The following PDE4B variants were observed in gnomAD, a reference collection of about 807,000 sequenced individuals.
The protein encoded by PDE4B is phosphodiesterase 4B, also known as 3',5'-cyclic-AMP phosphodiesterase 4B.
A neutral mutation model predicts 82.2 loss-of-function variants in PDE4B; 20 were observed. The observed-to-expected ratio is 0.24, with a 90% CI of 0.17 to 0.35. PDE4B has a LOEUF of 0.35. Among genes scored for constraint, PDE4B ranks in the 10% least tolerant of loss-of-function variants. PDE4B has a pLI of 1.00. For missense variants in PDE4B, 655 were observed against 907.2 expected (o/e 0.72, Z 3.57); for synonymous variants, 320 against 318.9 (o/e 1.00, Z -0.04).
At chr1:65,832,049 C>T (rs7514810) in intron 1 of PDE4B, among the ~76,000 whole-genome samples, 137,456 of 152,176 alleles carry the variant, frequency 0.9, 62,386 homozygotes, top group Non-Finnish European at 0.94. Context: ...AATGACAAGA[C>T]GTATGCATGC....
chr1:66,265,374 A>G (rs980552288), intron 6 of PDE4B, among the ~76,000 whole-genome samples: 1 of 152,212 alleles, frequency 6.6e-6, no homozygotes, highest in Non-Finnish European at 1.5e-5. Context: ...GGGGCAGAGA[A>G]AGGAAAAGAA....
chr1:66,024,846 GTATTT>G (rs1040790189), intron 3 of PDE4B, among the ~76,000 whole-genome samples: 25 of 151,894 alleles, frequency 1.6e-4, no homozygotes, highest in African/African-American at 5.6e-4. Flanking sequence ...GAATGGTGAT[GTATTT>G]TATTTCATAG....
At chr1:65,979,932 G>A (rs147675301) in intron 3 of PDE4B, among the ~76,000 whole-genome samples, 73 of 152,274 alleles carry the variant, frequency 4.8e-4, no homozygotes, top group African/African-American at 1.7e-3. Flanking sequence ...AGGAAGGTAC[G>A]AGAAAGGGCA....
At chr1:65,969,915 G>T (rs1237239168) in intron 3 of PDE4B, among the ~76,000 whole-genome samples, 2 of 151,864 alleles carry the variant, frequency 1.3e-5, no homozygotes, top group Non-Finnish European at 2.9e-5. Flanking sequence ...ACAATTCTAA[G>T]CCAGAACAAA....
At chr1:66,167,299 A>G (rs1426853594) in intron 3 of PDE4B, among the ~76,000 whole-genome samples, 1 of 152,204 alleles carries the variant, frequency 6.6e-6, no homozygotes, top group Admixed American at 6.5e-5. Flanking sequence ...AGTAGAAACA[A>G]CTCAATGACA....
chr1:65,952,890 A>G (rs559074101), intron 3 of PDE4B, among the ~76,000 whole-genome samples: 6 of 152,268 alleles, frequency 3.9e-5, no homozygotes, highest in African/African-American at 1.4e-4. Context: ...CGTCTGACTC[A>G]TAGGTGGTTT....
intron 10 of PDE4B, 129 bp downstream of exon 10, chr1:66,361,922 A>G: frequency 1.4e-6 from 1 of 700,828 alleles, no homozygotes; most frequent in South Asian, 2.6e-5. Flanking sequence ...GGAAGCTCAT[A>G]TGAAATGACT....
intron 3 of PDE4B, among the ~76,000 whole-genome samples, chr1:65,919,656 T>C (rs1647202453): frequency 6.6e-6 from 1 of 152,238 alleles, no homozygotes; most frequent in Non-Finnish European, 1.5e-5. Flanking sequence ...GTTTACATAA[T>C]TTATCAAGTG....
intron 7 of PDE4B, among the ~76,000 whole-genome samples, chr1:66,315,943 C>T (rs1204581563): frequency 6.6e-6 from 1 of 152,210 alleles, no homozygotes; most frequent in East Asian, 1.9e-4. Flanking sequence ...AAACCTCACT[C>T]ACTCTCCACC....
chr1:66,359,107 T>C (rs1037833289), intron 9 of PDE4B, among the ~76,000 whole-genome samples: 2 of 152,198 alleles, frequency 1.3e-5, no homozygotes, highest in African/African-American at 4.8e-5. Flanking sequence ...TATATTACAA[T>C]TTAGTTAATA....
At chr1:65,818,531 T>G (rs1645911496) in intron 1 of PDE4B, among the ~76,000 whole-genome samples, 1 of 151,984 alleles carries the variant, frequency 6.6e-6, no homozygotes, top group African/African-American at 2.4e-5. Flanking sequence ...GAACTGTAAT[T>G]CTTCATTTTC....
intron 3 of PDE4B, among the ~76,000 whole-genome samples, chr1:65,958,498 T>G (rs1470478148): frequency 6.6e-6 from 1 of 152,094 alleles, no homozygotes; most frequent in Non-Finnish European, 1.5e-5. Flanking sequence ...ACTTGAAGAT[T>G]GTGCCCTCTT....
At chr1:66,332,365 G>C (rs1464495750) in intron 7 of PDE4B, 143 bp from the exon 8 acceptor site, 25 of 1,611,930 alleles carry the variant, frequency 1.6e-5, no homozygotes, top group Non-Finnish European at 2.1e-5. Context: ...GAGAGAGCTG[G>C]AAGGAAGGAG....
intron 3 of PDE4B, among the ~76,000 whole-genome samples, chr1:66,199,416 G>A (rs1292892286): frequency 6.6e-6 from 1 of 152,160 alleles, no homozygotes; most frequent in Non-Finnish European, 1.5e-5. Context: ...CTTCTTTTGA[G>A]AAGTGTCTGT....
At chr1:66,226,885 A>G (rs185011655) in intron 3 of PDE4B, among the ~76,000 whole-genome samples, 55 of 152,236 alleles carry the variant, frequency 3.6e-4, no homozygotes, top group African/African-American at 1.2e-3. Context: ...GTTGAAAAAA[A>G]TCCTCATAAC....
rs1662368101 is a variant in PDE4B, at chr1:66,357,712, C to T, written c.841+2092C>T. ...AACCCCATCAAACAGACTAGACGGG[C>T]AGATTAGAATTTTAAATGTTCTTGA... is the stretch of plus-strand genomic sequence containing the variant. On this transcript the variant is annotated intron_variant, in intron 9 of 16. Coordinates refer to ENST00000341517, the MANE Select transcript of PDE4B (RefSeq NM_002600.4). Among the ~76,000 whole-genome samples, 4 of 151,718 alleles carry T rather than the reference C, an allele frequency of 2.6e-5. No individual in the cohort carries two copies. The South Asian group carries it at 8.3e-4, about 32-fold the overall frequency.
chr1:66,034,165 C>G (rs1289529818), intron 3 of PDE4B, among the ~76,000 whole-genome samples: 1 of 152,112 alleles, frequency 6.6e-6, no homozygotes, highest in African/African-American at 2.4e-5. Flanking sequence ...TTCTCTCTCT[C>G]TTTTTCTCTA....
intron 1 of PDE4B, among the ~76,000 whole-genome samples, chr1:65,874,739 C>T (rs1425058136): frequency 6.6e-6 from 1 of 151,098 alleles, no homozygotes; most frequent in African/African-American, 2.4e-5. Context: ...AACTGGCTAG[C>T]CATATGTAGA....
chr1:66,295,976 G>A (rs539407670), intron 7 of PDE4B, among the ~76,000 whole-genome samples: 6 of 152,054 alleles, frequency 3.9e-5, no homozygotes, highest in South Asian at 2.1e-4. Flanking sequence ...TTCACGTGTC[G>A]CCCTCTCTGC....
Sources: gnomAD v4.1 joint callset for allele counts (sites outside exome capture counted in the v4.1 genomes callset) on GRCh38, gnomAD v4.1.1 for gene constraint, MANE v1.5 for transcripts, NCBI Gene and HGNC (gene_info 2026-07-23, HGNC 2026-07-21) for gene names.